Variants in TAFA2 observed in about 807,000 individuals in gnomAD.
TAFA2 encodes the protein TAFA chemokine like family member 2.
In TAFA2, 7 loss-of-function variants were observed where a neutral mutation model predicts 18.8. That is an observed-to-expected ratio of 0.37 (90% CI 0.21 to 0.70). TAFA2 has a LOEUF of 0.70. Ranked by LOEUF, TAFA2 falls within the 30% of genes least tolerant of loss-of-function variation. TAFA2 has a pLI of 0.53. For synonymous variants in TAFA2, 60 were observed against 54.2 expected, an observed-to-expected ratio of 1.11 and a Z score of -0.47; for missense variants, 122 against 158.1, an observed-to-expected ratio of 0.77 and a Z score of 1.23.
intron 1 of TAFA2, among the ~76,000 whole-genome samples, chr12:61,880,930 C>T (rs1001484198): frequency 6.6e-6 from 1 of 152,084 alleles, no homozygotes; most frequent in Non-Finnish European, 1.5e-5. Flanking sequence ...TGCCGGGGGA[C>T]CCCCCTTCCC....
chr12:61,915,386 T>C (rs12313824), intron 1 of TAFA2, among the ~76,000 whole-genome samples: 3,719 of 152,324 alleles, frequency 0.024, 146 homozygotes, highest in African/African-American at 0.081. Flanking sequence ...CTTTCTCCAA[T>C]TTATTGGTAC....
At chr12:62,048,712 G>A (rs534476501) in intron 1 of TAFA2, among the ~76,000 whole-genome samples, 2 of 152,222 alleles carry the variant, frequency 1.3e-5, no homozygotes, top group South Asian at 4.2e-4. Flanking sequence ...CTTATGATAA[G>A]TAAGCTTAAT....
chr12:61,824,196 A>G (rs1177226426), intron 2 of TAFA2, among the ~76,000 whole-genome samples: 1 of 152,176 alleles, frequency 6.6e-6, no homozygotes. Context: ...TCTGCCAATA[A>G]CATGAATGAG....
chr12:61,928,062 A>C (rs1877383810), intron 1 of TAFA2, among the ~76,000 whole-genome samples: 1 of 152,232 alleles, frequency 6.6e-6, no homozygotes, highest in South Asian at 2.1e-4. Flanking sequence ...AAAATCCTAG[A>C]AGAAAACCTA....
At chr12:62,080,419 C>A (rs892378647) in intron 1 of TAFA2, among the ~76,000 whole-genome samples, 6 of 151,938 alleles carry the variant, frequency 3.9e-5, no homozygotes, top group Non-Finnish European at 7.4e-5. Flanking sequence ...TGGGGGTTGT[C>A]TTAAAATTCT....
At chr12:62,203,309 T>G (rs759835638) in intron 1 of TAFA2, among the ~76,000 whole-genome samples, 14 of 152,260 alleles carry the variant, frequency 9.2e-5, no homozygotes, top group Non-Finnish European at 1.6e-4. Flanking sequence ...ATAACGTATA[T>G]TCTGTTGTTT....
chr12:62,118,384 T>C (rs983859104), intron 1 of TAFA2, among the ~76,000 whole-genome samples: 8 of 152,094 alleles, frequency 5.3e-5, no homozygotes, highest in Non-Finnish European at 8.8e-5. Context: ...CCTACTGATG[T>C]CTATTTAGAT....
chr12:62,223,547 A>G (rs1018327345), intron 1 of TAFA2, among the ~76,000 whole-genome samples: 1 of 152,238 alleles, frequency 6.6e-6, no homozygotes, highest in Non-Finnish European at 1.5e-5. Context: ...AAAAAAACGA[A>G]GTTGGATCTT....
chr12:62,064,700 C>T (rs1221927493), intron 1 of TAFA2, among the ~76,000 whole-genome samples: 1 of 151,992 alleles, frequency 6.6e-6, no homozygotes, highest in African/African-American at 2.4e-5. Context: ...TTTTAAGTAA[C>T]TTATATGACT....
intron 1 of TAFA2, among the ~76,000 whole-genome samples, chr12:62,224,020 G>T (rs1304211217): frequency 4.0e-5 from 6 of 151,546 alleles, no homozygotes; most frequent in Admixed American, 4.0e-4. Flanking sequence ...GCCAAATAGT[G>T]GAAGCAACTC....
At chr12:61,745,148 T>C (rs907315336) in intron 4 of TAFA2, among the ~76,000 whole-genome samples, 3 of 152,128 alleles carry the variant, frequency 2.0e-5, no homozygotes, top group Non-Finnish European at 2.9e-5. Context: ...TTTAAGGTGT[T>C]ATACCATATT....
At chr12:61,814,769 G>T (rs1229686974) in intron 2 of TAFA2, among the ~76,000 whole-genome samples, 1 of 151,308 alleles carries the variant, frequency 6.6e-6, no homozygotes, top group Non-Finnish European at 1.5e-5. Context: ...AAATAGGAGG[G>T]TCAGAGTCCG....
chr12:61,880,859 G>T, intron 1 of TAFA2: 1 of 208,134 alleles, frequency 4.8e-6, no homozygotes, highest in Non-Finnish European at 9.8e-6. Flanking sequence ...GGAGCACAGG[G>T]AACAGGAGAC....
Position 61,897,752 on chromosome 12 carries a change from G to T in TAFA2, c.-1-30326C>A, listed in dbSNP as rs74738728. On this transcript the variant is annotated intron_variant, in intron 1 of 4. Transcript: ENST00000416284. ...GGTAGGGACACAGAGCCAAACCATA[G>T]CATACTGCCCCTGGCCTCTCCCAAG... is the stretch of plus-strand genomic sequence containing the variant. 7.8e-3 allele frequency among the ~76,000 whole-genome samples: 1,184 copies of T among 152,022 alleles called. 12 individuals carry two copies. Among genetic ancestry groups the T allele is most frequent in the African/African-American group, 0.028 (1,143 of 41,508 alleles).
chr12:61,980,630 T>C (rs1879599218), intron 1 of TAFA2, among the ~76,000 whole-genome samples: 1 of 152,186 alleles, frequency 6.6e-6, no homozygotes, highest in South Asian at 2.1e-4. Context: ...AAAATCAATG[T>C]GCAAAAATCA....
intron 1 of TAFA2, among the ~76,000 whole-genome samples, chr12:62,047,136 A>T (rs887651588): frequency 6.6e-6 from 1 of 152,152 alleles, no homozygotes; most frequent in Non-Finnish European, 1.5e-5. Flanking sequence ...CTGATTTAAT[A>T]ATAAGTAATA....
chr12:61,779,114 G>A (rs1870396548), intron 2 of TAFA2, among the ~76,000 whole-genome samples: 1 of 151,862 alleles, frequency 6.6e-6, no homozygotes, highest in Admixed American at 6.6e-5. Context: ...ATGTAAAGCT[G>A]TGTGTTCACT....
At chr12:62,230,653 T>C (rs1256430243) in intron 1 of TAFA2, among the ~76,000 whole-genome samples, 2 of 152,124 alleles carry the variant, frequency 1.3e-5, no homozygotes, top group African/African-American at 4.8e-5. Context: ...AAAGAATGTT[T>C]TTGGGTTTTG....
At chr12:61,898,489 A>G (rs1875953164) in intron 1 of TAFA2, among the ~76,000 whole-genome samples, 1 of 152,214 alleles carries the variant, frequency 6.6e-6, no homozygotes, top group African/African-American at 2.4e-5. Flanking sequence ...GGAGGTTCCC[A>G]AAACTCAATT....
Sources: allele counts gnomAD v4.1 joint callset (sites outside exome capture counted in the v4.1 genomes callset), GRCh38; gene constraint gnomAD v4.1.1; transcripts MANE v1.5; gene names NCBI Gene and HGNC (gene_info 2026-07-23, HGNC 2026-07-21).